The following C12orf42 variants were observed in gnomAD, a reference collection of about 807,000 sequenced individuals.
C12orf42 encodes the protein uncharacterized protein C12orf42.
A neutral mutation model predicts 21.6 loss-of-function variants in C12orf42; 25 were observed. The ratio of observed to expected loss-of-function variants is 1.16; its 90% CI spans 0.84 to 1.62. The LOEUF is 1.62. C12orf42 is among the 40% of genes most tolerant of loss of function. The pLI is 0.00. For missense variants in C12orf42, 483 were observed against 459.3 expected, an observed-to-expected ratio of 1.05 and a Z score of -0.47; for synonymous variants, 174 against 175.0, an observed-to-expected ratio of 0.99 and a Z score of 0.05.
rs1392721853 is a variant in C12orf42 at position 103,380,386 on chromosome 12, C to T, written c.148-11388G>A. Among the ~76,000 whole-genome samples the T allele has an allele frequency of 2.6e-5, 4 of 152,024 alleles. No individual in the cohort carries two copies. The East Asian group carries it at 7.7e-4, about 29-fold the overall frequency. On this transcript the variant is annotated intron_variant, in intron 3 of 5. Transcript: ENST00000548883. The stretch of plus-strand genomic sequence containing the variant: ...TTTTTGTAAACTGTTATTTCTCAAT[C>T]TTATGCTGCAGGAAAAATCTGAAAT...
At chr12:103,177,768 A>C in the C12orf42 span, among the ~76,000 whole-genome samples, 1 of 152,108 alleles carries the variant, frequency 6.6e-6, no homozygotes, top group Admixed American at 6.6e-5. Context: ...TTGTGTATTA[A>C]ACTCAGACTA....
chr12:103,335,329 A>G (rs966763280), intron 4 of C12orf42, among the ~76,000 whole-genome samples: 6 of 152,218 alleles, frequency 3.9e-5, no homozygotes, highest in African/African-American at 9.6e-5. Flanking sequence ...CCACACTCCA[A>G]TGGAAAATAT....
rs78379974 is a variant in C12orf42, at chr12:103,372,580, T to G, written c.148-3582A>C. 5.2e-3 allele frequency among the ~76,000 whole-genome samples: 789 copies of G among 152,200 alleles called. 4 individuals carry two copies. The highest frequency in any genetic ancestry group is 0.018 in the African/African-American group (741 of 41,512). On this transcript the variant is annotated intron_variant, in intron 3 of 5. Coordinates refer to ENST00000548883, the MANE Select transcript of C12orf42 (RefSeq NM_198521.5). Reference sequence around the variant, plus strand: ...AAACCTGCTGGATCAGGATCTGAATTTTAACAAATCCCCAGCCCATCACAC... The same window carrying G: ...AAACCTGCTGGATCAGGATCTGAATGTTAACAAATCCCCAGCCCATCACAC...
At chr12:103,203,989 G>C in the C12orf42 span, among the ~76,000 whole-genome samples, 1 of 152,176 alleles carries the variant, frequency 6.6e-6, no homozygotes, top group African/African-American at 2.4e-5. Flanking sequence ...ATAAGCTCCA[G>C]CTTCTATGAT....
At chr12:103,454,272 G>T (rs977018968) in intron 2 of C12orf42, among the ~76,000 whole-genome samples, 10 of 152,008 alleles carry the variant, frequency 6.6e-5, no homozygotes, top group African/African-American at 2.2e-4. Flanking sequence ...GCTTTCCTAG[G>T]AATGCCAGAA....
downstream of C12orf42, among the ~76,000 whole-genome samples, chr12:103,266,190 T>C (rs1431999942): frequency 6.6e-6 from 1 of 152,132 alleles, no homozygotes; most frequent in Non-Finnish European, 1.5e-5. Context: ...ATTTTGATAG[T>C]CAAACTATAA....
At chr12:103,525,200 G>T in the C12orf42 span, among the ~76,000 whole-genome samples, 9 of 151,928 alleles carry the variant, frequency 5.9e-5, no homozygotes, top group South Asian at 1.5e-3. Flanking sequence ...TTTTATTTTT[G>T]ATAGAGATTG....
At chr12:103,167,443 C>T in the C12orf42 span, among the ~76,000 whole-genome samples, 1 of 152,166 alleles carries the variant, frequency 6.6e-6, no homozygotes, top group African/African-American at 2.4e-5. Context: ...ATCTCTAGTC[C>T]TTGAATTGAA....
intron 1 of C12orf42, among the ~76,000 whole-genome samples, chr12:103,490,399 C>A (rs939385570): frequency 3.3e-5 from 5 of 152,008 alleles, no homozygotes; most frequent in Admixed American, 2.0e-4. Context: ...AATACAAAAT[C>A]CCCCATTTTA....
At chr12:103,347,827 C>A (rs1446692897) in intron 4 of C12orf42, among the ~76,000 whole-genome samples, 1 of 152,190 alleles carries the variant, frequency 6.6e-6, no homozygotes, top group Non-Finnish European at 1.5e-5. Flanking sequence ...GTTGCCCACA[C>A]ACCCAACCCT....
the C12orf42 span, among the ~76,000 whole-genome samples, chr12:103,552,895 A>G: frequency 6.6e-6 from 1 of 152,176 alleles, no homozygotes; most frequent in Non-Finnish European, 1.5e-5. Flanking sequence ...AACAGGCAAG[A>G]GAGAACAAGC....
the C12orf42 span, among the ~76,000 whole-genome samples, chr12:103,191,773 A>T: frequency 6.6e-6 from 1 of 151,260 alleles, no homozygotes; most frequent in Non-Finnish European, 1.5e-5. Flanking sequence ...AAAGAAAAGA[A>T]AATATTAAGA....
chr12:103,301,160 G>A (rs537609271), downstream of C12orf42, among the ~76,000 whole-genome samples: 1 of 152,156 alleles, frequency 6.6e-6, no homozygotes, highest in South Asian at 2.1e-4. Context: ...TAATCATACT[G>A]TGTATATTAA....
chr12:103,107,867 T>G, the C12orf42 span, among the ~76,000 whole-genome samples: 1 of 151,032 alleles, frequency 6.6e-6, no homozygotes, highest in African/African-American at 2.4e-5. Context: ...AAGAAAGAAA[T>G]AGTCAAAATT....
At chr12:103,225,812 G>T in the C12orf42 span, among the ~76,000 whole-genome samples, 1 of 152,174 alleles carries the variant, frequency 6.6e-6, no homozygotes, top group African/African-American at 2.4e-5. Context: ...TGAAAAGAAG[G>T]TAATGTGGAG....
At chr12:103,325,098 G>A (rs374350839) in intron 4 of C12orf42, among the ~76,000 whole-genome samples, 3 of 152,214 alleles carry the variant, frequency 2.0e-5, no homozygotes, top group East Asian at 3.8e-4. Flanking sequence ...ACTAAGTAGT[G>A]TTTGCATAAA....
chr12:103,421,929 T>G (rs942660803), intron 2 of C12orf42, among the ~76,000 whole-genome samples: 22 of 152,294 alleles, frequency 1.4e-4, no homozygotes, highest in African/African-American at 4.3e-4. Flanking sequence ...CAAATAATAA[T>G]AATAAGAATA....
the C12orf42 span, among the ~76,000 whole-genome samples, chr12:103,532,717 G>A: frequency 7.9e-5 from 12 of 152,094 alleles, no homozygotes; most frequent in South Asian, 2.1e-4. Flanking sequence ...ATCAAACACT[G>A]TCCTGTGTCA....
At chr12:103,222,346 T>C in the C12orf42 span, among the ~76,000 whole-genome samples, 3 of 152,026 alleles carry the variant, frequency 2.0e-5, no homozygotes, top group African/African-American at 7.3e-5. Flanking sequence ...GGGGTGCTTT[T>C]TGAGCCAGGA....
Sources: gnomAD v4.1 joint callset for allele counts (sites outside exome capture counted in the v4.1 genomes callset) on GRCh38, gnomAD v4.1.1 for gene constraint, MANE v1.5 for transcripts, NCBI Gene and HGNC (gene_info 2026-07-23, HGNC 2026-07-21) for gene names.